The following EDN1 variants were observed in gnomAD, a reference collection of about 807,000 sequenced individuals.
EDN1 encodes endothelin 1, also known as endothelin-1.
A neutral mutation model predicts 21.7 loss-of-function variants in EDN1; 11 were observed. The observed-to-expected ratio is 0.51, with a 90% CI of 0.32 to 0.84. The LOEUF is 0.84. EDN1 is among the 40% of genes least tolerant of loss of function. The pLI is 0.03. For synonymous variants in EDN1, 85 were observed against 90.6 expected, an observed-to-expected ratio of 0.94 and a Z score of 0.35; for missense variants, 244 against 262.3, an observed-to-expected ratio of 0.93 and a Z score of 0.48.
chr6:12,294,164 T>C, intron 3 of EDN1, 68 bp downstream of exon 3: 1 of 1,613,378 alleles, frequency 6.2e-7, no homozygotes, highest in Non-Finnish European at 8.5e-7. Context: ...ATCATGGTAC[T>C]GCCTTCCTGT....
chr6:12,286,952 G>A (rs1762566494), upstream of EDN1, among the ~76,000 whole-genome samples: 1 of 151,878 alleles, frequency 6.6e-6, no homozygotes, highest in African/African-American at 2.4e-5. Context: ...CTATCTCTAC[G>A]AAAAAATTTT....
At chr6:12,269,071 G>A in the EDN1 span, among the ~76,000 whole-genome samples, 1 of 151,880 alleles carries the variant, frequency 6.6e-6, no homozygotes, top group African/African-American at 2.4e-5. Context: ...TTATTGCTGG[G>A]TATCTTAATT....
chr6:12,230,915 CTT>C, the EDN1 span, among the ~76,000 whole-genome samples: 1 of 152,082 alleles, frequency 6.6e-6, no homozygotes, highest in Non-Finnish European at 1.5e-5. Context: ...ACTCAGGAGA[CTT>C]TTTTGAAAAT....
chr6:12,262,083 T>G, the EDN1 span, among the ~76,000 whole-genome samples: 2 of 152,218 alleles, frequency 1.3e-5, no homozygotes, highest in African/African-American at 4.8e-5. Context: ...TTGTTTCAAC[T>G]ATCTCAGGTA....
chr6:12,263,307 A>G, the EDN1 span, among the ~76,000 whole-genome samples: 1 of 152,236 alleles, frequency 6.6e-6, no homozygotes, highest in Non-Finnish European at 1.5e-5. Context: ...GGGTAAATAT[A>G]GGGAACACTG....
At chr6:12,294,499 C>A in intron 4 of EDN1, 95 bp downstream of exon 4, 1 of 1,461,682 alleles carries the variant, frequency 6.8e-7, no homozygotes, top group Non-Finnish European at 9.6e-7. Flanking sequence ...GCCCTTCTTA[C>A]CCGGGCAGGT....
Position 12,296,017 on chromosome 6 carries a change from G to C in EDN1, c.589G>C (p.Gly197Arg). 1 of 1,614,090 alleles carries C rather than the reference G, an allele frequency of 6.2e-7. No homozygotes were observed. ...ATCTTTTCATGATCCCAAGCTGAAAGGCAAGCCCTCCAGAGAGCGTTATGT... is the reference window on the plus strand; with the variant it reads ...ATCTTTTCATGATCCCAAGCTGAAACGCAAGCCCTCCAGAGAGCGTTATGT... ...KSSFHDPKLK[G>R]KPSRERYVTH... The change falls in exon 5 of 5, where the codon GGC (glycine) becomes CGC (arginine). Residue 197 changes from glycine to arginine, a missense_variant. Physicochemically the swap from Gly to Arg is moderately radical, Grantham distance 125. Coordinates refer to ENST00000379375, the MANE Select transcript of EDN1 (RefSeq NM_001955.5).
the EDN1 span, among the ~76,000 whole-genome samples, chr6:12,241,161 T>G: frequency 7.4e-6 from 1 of 134,930 alleles, no homozygotes; most frequent in Non-Finnish European, 1.7e-5. Context: ...TTTCTTTCTT[T>G]CTTTCTTTTT....
chr6:12,269,482 T>G, the EDN1 span, among the ~76,000 whole-genome samples: 1 of 152,090 alleles, frequency 6.6e-6, no homozygotes, highest in East Asian at 1.9e-4. Context: ...TGGCCTTTAT[T>G]GTGTTGAGGT....
chr6:12,259,273 G>A, the EDN1 span, among the ~76,000 whole-genome samples: 2 of 151,548 alleles, frequency 1.3e-5, no homozygotes, highest in African/African-American at 2.4e-5. Flanking sequence ...TATAATGCTA[G>A]GAAACCTATA....
the EDN1 span, among the ~76,000 whole-genome samples, chr6:12,281,456 T>C: frequency 1.5e-3 from 217 of 148,380 alleles, no homozygotes; most frequent in African/African-American, 5.2e-3. Context: ...TGAAACACTT[T>C]CCTCTAGGCA....
At chr6:12,295,413 A>G (rs1383703016) in intron 4 of EDN1, among the ~76,000 whole-genome samples, 2 of 151,986 alleles carry the variant, frequency 1.3e-5, no homozygotes, top group Admixed American at 1.3e-4. Flanking sequence ...ATGGGTTTTT[A>G]TTATGCCAAC....
chr6:12,247,153 C>T, the EDN1 span, among the ~76,000 whole-genome samples: 1 of 152,194 alleles, frequency 6.6e-6, no homozygotes. Context: ...TGTAAACAGG[C>T]TGGCTCCTGC....
chr6:12,264,789 G>C, the EDN1 span, among the ~76,000 whole-genome samples: 1 of 152,202 alleles, frequency 6.6e-6, no homozygotes, highest in Non-Finnish European at 1.5e-5. Flanking sequence ...AAGATGGGGA[G>C]AACTAGAGAA....
At chr6:12,278,718 G>A in the EDN1 span, among the ~76,000 whole-genome samples, 7 of 152,074 alleles carry the variant, frequency 4.6e-5, no homozygotes, top group East Asian at 5.8e-4. Context: ...TCAACATGGT[G>A]AAACCCCGTC....
At chr6:12,294,133 C>G in intron 3 of EDN1, 37 bp downstream of exon 3, 1 of 1,614,106 alleles carries the variant, frequency 6.2e-7, no homozygotes, top group South Asian at 1.1e-5. Context: ...ATCAGTTTAA[C>G]AGCCTCCTGA....
At chr6:12,279,393 A>T in the EDN1 span, among the ~76,000 whole-genome samples, 1 of 152,178 alleles carries the variant, frequency 6.6e-6, no homozygotes, top group African/African-American at 2.4e-5. Flanking sequence ...CACGCTAGAT[A>T]GCTGGTGTGA....
At chr6:12,247,299 T>C in the EDN1 span, among the ~76,000 whole-genome samples, 1 of 152,110 alleles carries the variant, frequency 6.6e-6, no homozygotes, top group Non-Finnish European at 1.5e-5. Flanking sequence ...ATGTTGGTGC[T>C]GGAGGGTGAA....
the EDN1 span, among the ~76,000 whole-genome samples, chr6:12,251,217 A>G: frequency 6.6e-6 from 1 of 152,354 alleles, no homozygotes; most frequent in South Asian, 2.1e-4. Flanking sequence ...ATTAACTAAT[A>G]AGTTATTTTA....
Sources: allele counts gnomAD v4.1 joint callset (sites outside exome capture counted in the v4.1 genomes callset), GRCh38; gene constraint gnomAD v4.1.1; transcripts MANE v1.5; gene names NCBI Gene and HGNC (gene_info 2026-07-23, HGNC 2026-07-21).